The following GRIP1 variants were observed in gnomAD, a reference collection of about 807,000 sequenced individuals.
The protein encoded by GRIP1 is glutamate receptor interacting protein 1.
GRIP1 carries 45 observed loss-of-function variants against 129.9 expected under a neutral mutation model. The observed-to-expected ratio is 0.35, with a 90% CI of 0.27 to 0.44. The LOEUF (loss-of-function observed/expected upper bound fraction) is 0.44, where lower values mean the gene tolerates loss of function less well. Ranked by LOEUF, GRIP1 falls within the 20% of genes least tolerant of loss-of-function variation. GRIP1 has a pLI of 1.00. For synonymous variants in GRIP1, 530 were observed against 520.8 expected (o/e 1.02, Z -0.24); for missense variants, 1,196 against 1,396.8 (o/e 0.86, Z 2.29).
At chr12:66,565,701 T>C (rs988916099) in intron 2 of GRIP1, among the ~76,000 whole-genome samples, 8 of 152,230 alleles carry the variant, frequency 5.3e-5, no homozygotes, top group Non-Finnish European at 8.8e-5. Flanking sequence ...ATTGAATCTA[T>C]AAGTTACCTT....
intron 5 of GRIP1, among the ~76,000 whole-genome samples, chr12:66,518,526 G>C (rs573937833): frequency 6.6e-6 from 1 of 152,232 alleles, no homozygotes; most frequent in East Asian, 1.9e-4. Context: ...TCCTTGAATG[G>C]GAATTTTAAC....
At chr12:66,432,703 G>A (rs2058185315) in intron 13 of GRIP1, 75 bp from the exon 14 acceptor site, 2 of 823,296 alleles carry the variant, frequency 2.4e-6, no homozygotes, top group Non-Finnish European at 4.2e-6. Flanking sequence ...AATGCATTAG[G>A]AATACTTGTA....
At chr12:66,820,536 A>T (rs1383833272) in intron 1 of GRIP1, among the ~76,000 whole-genome samples, 1 of 152,182 alleles carries the variant, frequency 6.6e-6, no homozygotes, top group Non-Finnish European at 1.5e-5. Flanking sequence ...AATTATGTCC[A>T]TGTACAAACC....
At chr12:66,930,291 G>A (rs12820337) in intron 1 of GRIP1, among the ~76,000 whole-genome samples, 22,936 of 119,960 alleles carry the variant, frequency 0.19, 2,148 homozygotes, top group Non-Finnish European at 0.22. Flanking sequence ...AGAGTGTGAT[G>A]TTCCCCTTCC....
intron 23 of GRIP1, among the ~76,000 whole-genome samples, chr12:66,353,885 A>G (rs774775226): frequency 1.1e-4 from 16 of 152,206 alleles, no homozygotes; most frequent in Non-Finnish European, 2.2e-4. Context: ...TTCCTGGGGC[A>G]ACCTCTGGTC....
At chr12:66,854,145 G>C (rs192124863) in intron 1 of GRIP1, among the ~76,000 whole-genome samples, 1 of 152,080 alleles carries the variant, frequency 6.6e-6, no homozygotes, top group East Asian at 1.9e-4. Context: ...TGCAATCTTG[G>C]GAGGGGACAG....
intron 1 of GRIP1, among the ~76,000 whole-genome samples, chr12:66,827,387 T>TGTGTGAGAGAGAGAGA (rs755458052): frequency 3.7e-5 from 4 of 108,294 alleles, no homozygotes; most frequent in African/African-American, 7.2e-5. Flanking sequence ...TGTGTGTGTG[T>TGTGTGAGAGAGAGAGA]GAGAGAGAGA....
intron 1 of GRIP1, among the ~76,000 whole-genome samples, chr12:66,714,800 G>T (rs2035818838): frequency 6.6e-6 from 1 of 151,574 alleles, no homozygotes; most frequent in South Asian, 2.1e-4. Context: ...CAGAAAATGG[G>T]GAGTCAGCCT....
chr12:66,476,870 A>G (rs1054646293), intron 7 of GRIP1, among the ~76,000 whole-genome samples: 1 of 152,218 alleles, frequency 6.6e-6, no homozygotes, highest in Non-Finnish European at 1.5e-5. Flanking sequence ...TATTGATGGG[A>G]CGTATCTAAA....
chr12:66,450,160 C>T (rs915274416), intron 11 of GRIP1, among the ~76,000 whole-genome samples: 8 of 151,352 alleles, frequency 5.3e-5, no homozygotes, highest in South Asian at 2.1e-4. Context: ...CAAAATTAGC[C>T]GGGCGTGGTG....
chr12:66,500,167 TTA>T (rs1358603530), intron 7 of GRIP1, among the ~76,000 whole-genome samples: 2 of 152,214 alleles, frequency 1.3e-5, no homozygotes, highest in Non-Finnish European at 2.9e-5. Context: ...TTTAAAGGTA[TTA>T]ACAACTTTGA....
chr12:66,428,322 A>T (rs1040290987), intron 14 of GRIP1, among the ~76,000 whole-genome samples: 1 of 152,198 alleles, frequency 6.6e-6, no homozygotes, highest in African/African-American at 2.4e-5. Context: ...AAGTTGGCAA[A>T]ATAACAGGAA....
chr12:66,399,710 G>T (rs762624651), intron 16 of GRIP1, among the ~76,000 whole-genome samples: 41 of 152,042 alleles, frequency 2.7e-4, no homozygotes, highest in Non-Finnish European at 4.9e-4. Flanking sequence ...TTAACAAAAT[G>T]AATGCTATCT....
intron 2 of GRIP1, among the ~76,000 whole-genome samples, chr12:66,582,010 A>AAT (rs1370944141): frequency 3.9e-5 from 6 of 152,192 alleles, no homozygotes; most frequent in Admixed American, 3.3e-4. Context: ...TCCTCAATAA[A>AAT]ATACTGGCAA....
At chr12:66,576,603 C>A (rs2063146983) in intron 2 of GRIP1, among the ~76,000 whole-genome samples, 1 of 152,158 alleles carries the variant, frequency 6.6e-6, no homozygotes, top group African/African-American at 2.4e-5. Flanking sequence ...GACAAGTTAC[C>A]TAAGCCTCTG....
intron 2 of GRIP1, among the ~76,000 whole-genome samples, chr12:66,545,361 T>C (rs2061916204): frequency 6.6e-6 from 1 of 152,142 alleles, no homozygotes; most frequent in Non-Finnish European, 1.5e-5. Context: ...CACAAGAGAA[T>C]TATGAAAAGT....
chr12:66,966,653 G>A (rs2042002385), intron 1 of GRIP1, among the ~76,000 whole-genome samples: 1 of 152,134 alleles, frequency 6.6e-6, no homozygotes, highest in Non-Finnish European at 1.5e-5. Flanking sequence ...TAACAGATTT[G>A]AGGAGTATTT....
At chr12:66,638,235 C>T (rs1355808176) in intron 1 of GRIP1, among the ~76,000 whole-genome samples, 4 of 152,088 alleles carry the variant, frequency 2.6e-5, no homozygotes, top group Admixed American at 6.6e-5. Flanking sequence ...CTAACAAATA[C>T]CATATTTTGC....
At chr12:66,754,471 A>G (rs887027849) in intron 1 of GRIP1, among the ~76,000 whole-genome samples, 1 of 152,204 alleles carries the variant, frequency 6.6e-6, no homozygotes, top group Non-Finnish European at 1.5e-5. Flanking sequence ...CACACAGGAT[A>G]CAATTAGATT....
Sources: gnomAD v4.1 joint callset for allele counts (sites outside exome capture counted in the v4.1 genomes callset) on GRCh38, gnomAD v4.1.1 for gene constraint, MANE v1.5 for transcripts, NCBI Gene and HGNC (gene_info 2026-07-23, HGNC 2026-07-21) for gene names.